RAD52: variants seen among roughly 807,000 people sequenced by gnomAD.
RAD52 encodes DNA repair protein RAD52 homolog.
Under a neutral mutation model 55.5 loss-of-function variants are expected in RAD52, and 47 were observed. The ratio of observed to expected loss-of-function variants is 0.85; its 90% CI spans 0.67 to 1.08. The LOEUF is 1.08. RAD52 is among the 50% of genes least tolerant of loss of function. The pLI is 0.00. For synonymous variants in RAD52, 184 were observed against 198.9 expected (o/e 0.92, Z 0.63); for missense variants, 468 against 522.8 (o/e 0.90, Z 1.02).
intron 7 of RAD52, among the ~76,000 whole-genome samples, chr12:920,781 T>C (rs951253909): frequency 6.6e-6 from 1 of 152,128 alleles, no homozygotes; most frequent in Non-Finnish European, 1.5e-5. Context: ...ATTTGAACAA[T>C]ACTATAGGCC....
chr12:948,464 G>A (rs1345968544), intron 1 of RAD52, among the ~76,000 whole-genome samples: 1 of 152,062 alleles, frequency 6.6e-6, no homozygotes, highest in Non-Finnish European at 1.5e-5. Context: ...CTTTGGAAGG[G>A]CGAGGAGTTC....
chr12:911,771 T>C lies in RAD52; in HGVS notation c.*1620A>G, dbSNP rs1465163410. ...TGGCTCATGCCTATAATTCTAGTAC[T>C]TTTTACTTTGGGAGGCCGAGGTGGG... On this transcript the variant is annotated 3_prime_UTR_variant, in exon 12 of 12. Coordinates refer to ENST00000358495, the MANE Select transcript of RAD52 (RefSeq NM_134424.4). Among the ~76,000 whole-genome samples the C allele has an allele frequency of 1.3e-5, 2 of 152,182 alleles. No homozygotes were observed. Among genetic ancestry groups the C allele is most frequent in the East Asian group, 3.8e-4 (2 of 5,196 alleles).
At chr12:967,865 G>C (rs11064621) in intron 1 of RAD52, among the ~76,000 whole-genome samples, 1 of 151,878 alleles carries the variant, frequency 6.6e-6, no homozygotes, top group Non-Finnish European at 1.5e-5. Flanking sequence ...GAGCCCAGGA[G>C]GGGGAGGTTG....
intron 1 of RAD52, among the ~76,000 whole-genome samples, chr12:986,688 G>A (rs1230894747): frequency 1.3e-5 from 2 of 151,270 alleles, no homozygotes; most frequent in Non-Finnish European, 2.9e-5. Context: ...GCAAGACTAT[G>A]CTTCATTAAT....
rs1296149399 is a variant in RAD52 at position 931,268 on chromosome 12, C to G, written c.138G>C (p.Arg46Ser). 4.3e-6 allele frequency: 7 copies of G among 1,612,582 alleles called. No homozygotes were observed. The East Asian group carries it at 1.6e-4, about 36-fold the overall frequency. The change falls in exon 3 of 12, where the codon AGG becomes AGC. Residue 46 changes from arginine (R) to serine (S), a missense_variant. Coordinates refer to ENST00000358495, the MANE Select transcript of RAD52 (RefSeq NM_134424.4). ...YQAIQKALRQ[R>S]LGPEYISSRM... ...GGCTACTTATGTATTCTGGGCCCAG[C>G]CTCTGCCTCAGGGCCTTCTGGATGG...
chr12:924,393 G>A (rs1245942205), intron 7 of RAD52, among the ~76,000 whole-genome samples: 3 of 152,174 alleles, frequency 2.0e-5, no homozygotes, highest in African/African-American at 7.2e-5. Flanking sequence ...CTGGGCGACA[G>A]AGCGAGACTC....
intron 2 of RAD52, among the ~76,000 whole-genome samples, 183 bp downstream of exon 2, chr12:932,792 C>T (rs1056811482): frequency 2.0e-5 from 3 of 150,576 alleles, no homozygotes; most frequent in African/African-American, 4.9e-5. Flanking sequence ...GCACGCACCG[C>T]GTCAACGTAC....
At chr12:916,917 T>C in intron 7 of RAD52, 97 bp from the exon 8 acceptor site, 1 of 1,496,018 alleles carries the variant, frequency 6.7e-7, no homozygotes, top group Non-Finnish European at 9.0e-7. Context: ...AAATCGCATT[T>C]GACATCCTCC....
At chr12:978,460 T>C (rs1345978378) in intron 1 of RAD52, among the ~76,000 whole-genome samples, 1 of 152,236 alleles carries the variant, frequency 6.6e-6, no homozygotes, top group Non-Finnish European at 1.5e-5. Flanking sequence ...GTCAATTTTA[T>C]ATAACTAGGT....
In RAD52 at chr12:930,981, A is replaced by AT. The variant is rs1225152473; in HGVS notation, c.186+238_186+239insA. On this transcript the variant is annotated intron_variant, in intron 3 of 11. Coordinates refer to ENST00000358495, the MANE Select transcript of RAD52 (RefSeq NM_134424.4). ...GCAAGACCCTGTCTTTAAAAATAAA[A>AT]AAAAAAAAAGATGATGTAAAAATCT... 1.4e-4 allele frequency among the ~76,000 whole-genome samples: 21 copies of AT among 151,768 alleles called. No homozygotes were observed. In the East Asian group the frequency reaches 2.1e-3, roughly 15 times the overall value.
At chr12:929,699 G>A (rs1257451152) in intron 5 of RAD52, 120 bp downstream of exon 5, 11 of 948,252 alleles carry the variant, frequency 1.2e-5, no homozygotes, top group East Asian at 2.4e-5. Context: ...TCTAGGGAAC[G>A]CTGGCTGAGA....
chr12:917,100 C>T (rs991407768), intron 7 of RAD52, among the ~76,000 whole-genome samples: 1 of 152,224 alleles, frequency 6.6e-6, no homozygotes, highest in Non-Finnish European at 1.5e-5. Flanking sequence ...TCTGTCTTTG[C>T]TGCCTCCTTG....
chr12:958,041 C>T (rs559664286), intron 1 of RAD52, among the ~76,000 whole-genome samples: 2 of 152,262 alleles, frequency 1.3e-5, no homozygotes, highest in East Asian at 3.9e-4. Flanking sequence ...GGCTCACTCG[C>T]GTGGCCAGCA....
intron 1 of RAD52, among the ~76,000 whole-genome samples, chr12:947,251 AGGAG>A (rs1409748464): frequency 6.6e-6 from 1 of 152,120 alleles, no homozygotes; most frequent in Non-Finnish European, 1.5e-5. Context: ...GCTTGAATCC[AGGAG>A]GCAGAAGTGG....
At chr12:980,300 T>C (rs1958995681) in intron 1 of RAD52, among the ~76,000 whole-genome samples, 1 of 151,566 alleles carries the variant, frequency 6.6e-6, no homozygotes, top group Non-Finnish European at 1.5e-5. Context: ...CTTTCCTTTT[T>C]TTTTTTTTTT....
At chr12:925,606 T>A in intron 6 of RAD52, 81 bp from the exon 7 acceptor site, 1 of 1,179,192 alleles carries the variant, frequency 8.5e-7, no homozygotes, top group Non-Finnish European at 1.3e-6. Flanking sequence ...ACAACTTTTG[T>A]ACAGGTTGCT....
intron 1 of RAD52, among the ~76,000 whole-genome samples, chr12:965,899 T>G (rs532552687): frequency 6.6e-6 from 1 of 152,222 alleles, no homozygotes; most frequent in East Asian, 1.9e-4. Flanking sequence ...TTGGCCAGGC[T>G]GATCTCGAAC....
chr12:970,744 T>C (rs1346357370), intron 1 of RAD52, among the ~76,000 whole-genome samples: 1 of 152,124 alleles, frequency 6.6e-6, no homozygotes, highest in Non-Finnish European at 1.5e-5. Flanking sequence ...AGGCGGTCCA[T>C]GAGACAAGGA....
intron 1 of RAD52, among the ~76,000 whole-genome samples, chr12:967,211 T>A (rs1416114795): frequency 6.6e-6 from 1 of 151,732 alleles, no homozygotes; most frequent in Admixed American, 6.6e-5. Flanking sequence ...AAACCCCGTT[T>A]CTACTGAAAA....
Sources: gnomAD v4.1 joint callset for allele counts (sites outside exome capture counted in the v4.1 genomes callset) on GRCh38, gnomAD v4.1.1 for gene constraint, MANE v1.5 for transcripts, NCBI Gene and HGNC (gene_info 2026-07-23, HGNC 2026-07-21) for gene names.